Variants in DPP6 observed in about 807,000 individuals in gnomAD.
DPP6 encodes the protein dipeptidyl peptidase like 6, also known as A-type potassium channel modulatory protein DPP6.
In DPP6, 69 loss-of-function variants were observed where a neutral mutation model predicts 122.6. That is an observed-to-expected ratio of 0.56 (90% CI 0.46 to 0.69). The LOEUF is 0.69. Ranked by LOEUF, DPP6 falls within the 30% of genes least tolerant of loss-of-function variation. The pLI, the probability that DPP6 is intolerant of heterozygous loss-of-function variation, is 0.00. For missense variants in DPP6, 928 were observed against 1,116.9 expected (o/e 0.83, Z 2.41); for synonymous variants, 418 against 433.1 (o/e 0.97, Z 0.43).
At chr7:154,059,992 C>T (rs1382187003) in intron 1 of DPP6, among the ~76,000 whole-genome samples, 8 of 152,004 alleles carry the variant, frequency 5.3e-5, no homozygotes, top group African/African-American at 1.4e-4. Flanking sequence ...TCCCCCCTGG[C>T]TGTTGGGACC....
At chr7:153,798,351 T>C in the DPP6 span, among the ~76,000 whole-genome samples, 93 of 152,284 alleles carry the variant, frequency 6.1e-4, 1 homozygote, top group South Asian at 0.017. Context: ...GGTTCTTTGG[T>C]TTTCCCTAGA....
At chr7:154,260,058 C>T (rs1416718131) in intron 1 of DPP6, among the ~76,000 whole-genome samples, 3 of 152,030 alleles carry the variant, frequency 2.0e-5, no homozygotes, top group Admixed American at 6.5e-5. Flanking sequence ...ATGTGAATCC[C>T]GAGGTGCCCA....
intron 4 of DPP6, among the ~76,000 whole-genome samples, chr7:154,548,133 G>A (rs35047620): frequency 0.2 from 30,272 of 151,866 alleles, 3,150 homozygotes; most frequent in Middle Eastern, 0.3. Context: ...TGCGTGAACC[G>A]GGGAGGTGGA....
At chr7:154,264,733 A>G (rs1208144089) in intron 1 of DPP6, among the ~76,000 whole-genome samples, 45 of 123,186 alleles carry the variant, frequency 3.7e-4, no homozygotes, top group South Asian at 5.6e-4. Flanking sequence ...TGATAGTGAC[A>G]ATGGTGTTAA....
At chr7:153,813,475 G>T in the DPP6 span, among the ~76,000 whole-genome samples, 2 of 151,998 alleles carry the variant, frequency 1.3e-5, no homozygotes, top group Non-Finnish European at 2.9e-5. Flanking sequence ...GAATAGTGCC[G>T]CAATAAACAT....
chr7:154,786,206 G>A (rs1350247748), intron 10 of DPP6, among the ~76,000 whole-genome samples: 1 of 152,176 alleles, frequency 6.6e-6, no homozygotes, highest in Non-Finnish European at 1.5e-5. Flanking sequence ...AGCTAAAAAT[G>A]TCTCTTTTTT....
At chr7:154,118,955 C>G (rs1406998290) in intron 1 of DPP6, among the ~76,000 whole-genome samples, 1 of 150,854 alleles carries the variant, frequency 6.6e-6, no homozygotes, top group Non-Finnish European at 1.5e-5. Context: ...AGCTGACCGA[C>G]TGGTTGGAAT....
intron 6 of DPP6, among the ~76,000 whole-genome samples, chr7:154,647,263 G>T (rs1836542761): frequency 6.6e-6 from 1 of 152,144 alleles, no homozygotes; most frequent in African/African-American, 2.4e-5. Context: ...GTCCAGCTGG[G>T]GTCATCTGGC....
chr7:154,331,318 A>G (rs1426532229), intron 1 of DPP6, among the ~76,000 whole-genome samples: 2 of 152,070 alleles, frequency 1.3e-5, no homozygotes, highest in African/African-American at 4.8e-5. Context: ...TGTAAGATTT[A>G]TTTTTCTCTA....
chr7:154,246,260 A>AT (rs139885650), intron 1 of DPP6, among the ~76,000 whole-genome samples: 34,649 of 151,972 alleles, frequency 0.23, 4,103 homozygotes, highest in Non-Finnish European at 0.24. Context: ...TTGTTGAGAA[A>AT]TTAAAGCTTT....
At chr7:154,123,383 T>A (rs1373582560) in intron 1 of DPP6, among the ~76,000 whole-genome samples, 4 of 152,342 alleles carry the variant, frequency 2.6e-5, no homozygotes, top group East Asian at 1.9e-4. Flanking sequence ...GAAGCATTTG[T>A]TCCACATTTA....
intron 1 of DPP6, among the ~76,000 whole-genome samples, chr7:154,386,268 G>A (rs1302499792): frequency 2.0e-5 from 3 of 152,124 alleles, no homozygotes; most frequent in Admixed American, 6.5e-5. Flanking sequence ...TTGACCAGGA[G>A]CACCATCTAG....
chr7:154,506,159 G>A (rs1825645372), intron 3 of DPP6, among the ~76,000 whole-genome samples: 1 of 152,040 alleles, frequency 6.6e-6, no homozygotes, highest in Admixed American at 6.6e-5. Flanking sequence ...TTCTGGAAGA[G>A]ATTTTTGGAG....
intron 1 of DPP6, among the ~76,000 whole-genome samples, chr7:154,314,541 A>T (rs1430113662): frequency 6.6e-6 from 1 of 152,184 alleles, no homozygotes; most frequent in Non-Finnish European, 1.5e-5. Context: ...CTTTTCCAAG[A>T]TTGGCATGTG....
chr7:154,173,856 CTG>C (rs1316118019), intron 1 of DPP6, among the ~76,000 whole-genome samples: 2 of 152,176 alleles, frequency 1.3e-5, no homozygotes, highest in African/African-American at 4.8e-5. Context: ...GGGCCTTTGA[CTG>C]TGGCTGGGCT....
intron 1 of DPP6, among the ~76,000 whole-genome samples, chr7:153,998,958 T>C (rs1797567282): frequency 6.6e-6 from 1 of 152,264 alleles, no homozygotes; most frequent in Non-Finnish European, 1.5e-5. Flanking sequence ...TAGAGTGAGC[T>C]GGCAGCCTGA....
intron 1 of DPP6, among the ~76,000 whole-genome samples, chr7:154,206,752 T>C (rs765733797): frequency 3.3e-5 from 5 of 152,226 alleles, no homozygotes; most frequent in Non-Finnish European, 7.3e-5. Context: ...GTTTTGGAAC[T>C]GGATGGAAGT....
chr7:154,872,381 C>T (rs747139853), intron 18 of DPP6, among the ~76,000 whole-genome samples: 3 of 152,214 alleles, frequency 2.0e-5, no homozygotes, highest in Non-Finnish European at 4.4e-5. Flanking sequence ...TCAGTGCACT[C>T]CCATATGCAA....
intron 1 of DPP6, among the ~76,000 whole-genome samples, chr7:154,061,228 G>T (rs200584096): frequency 3.3e-5 from 5 of 149,364 alleles, no homozygotes; most frequent in Non-Finnish European, 7.5e-5. Flanking sequence ...CACAAAGGGG[G>T]CGGGGACCCG....
Sources: allele counts gnomAD v4.1 joint callset (sites outside exome capture counted in the v4.1 genomes callset), GRCh38; gene constraint gnomAD v4.1.1; transcripts MANE v1.5; gene names NCBI Gene and HGNC (gene_info 2026-07-23, HGNC 2026-07-21).